USP24: variants seen among roughly 807,000 people sequenced by gnomAD.
The protein encoded by USP24 is ubiquitin specific peptidase 24.
Under a neutral mutation model 361.6 loss-of-function variants are expected in USP24, and 97 were observed. The ratio of observed to expected loss-of-function variants is 0.27; its 90% CI spans 0.23 to 0.32. The LOEUF (loss-of-function observed/expected upper bound fraction) is 0.32, where lower values mean the gene tolerates loss of function less well. USP24 is among the 10% of genes least tolerant of loss of function. USP24 has a pLI of 1.00. For synonymous variants in USP24, 1,098 were observed against 1,124.6 expected, an observed-to-expected ratio of 0.98 and a Z score of 0.47; for missense variants, 2,353 against 3,165.6, an observed-to-expected ratio of 0.74 and a Z score of 6.16.
chr1:55,090,410 C>G (rs1645348740), intron 54 of USP24, among the ~76,000 whole-genome samples: 1 of 152,030 alleles, frequency 6.6e-6, no homozygotes, highest in South Asian at 2.1e-4. Context: ...TAATCCTATG[C>G]CAGACATTAA....
intron 40 of USP24, 46 bp downstream of exon 40, chr1:55,107,193 C>A: frequency 6.4e-7 from 1 of 1,573,938 alleles, no homozygotes. Context: ...TGGCAATAAC[C>A]GAGCACTGAA....
chr1:55,105,499 T>C (rs1645746793), intron 41 of USP24, among the ~76,000 whole-genome samples: 1 of 152,180 alleles, frequency 6.6e-6, no homozygotes, highest in East Asian at 1.9e-4. Context: ...GCAAATAGTT[T>C]CTTCAGGATT....
chr1:55,085,679 T>A (rs1382143264), intron 56 of USP24, among the ~76,000 whole-genome samples: 1 of 152,172 alleles, frequency 6.6e-6, no homozygotes, highest in African/African-American at 2.4e-5. Flanking sequence ...GAGAAAGGAC[T>A]CTGAAAAGGG....
chr1:55,140,781 G>C (rs1381974559), intron 24 of USP24, among the ~76,000 whole-genome samples: 1 of 152,104 alleles, frequency 6.6e-6, no homozygotes, highest in East Asian at 1.9e-4. Flanking sequence ...CAGTTTTCTG[G>C]GAAATAATGA....
At chr1:55,205,905 A>T (rs1471254372) in intron 1 of USP24, among the ~76,000 whole-genome samples, 1 of 152,216 alleles carries the variant, frequency 6.6e-6, no homozygotes, top group Non-Finnish European at 1.5e-5. Context: ...GAGAGGCCCC[A>T]TAGCTCTTAA....
At chr1:55,198,427 A>G (rs1210222104) in intron 1 of USP24, among the ~76,000 whole-genome samples, 1 of 152,224 alleles carries the variant, frequency 6.6e-6, no homozygotes, top group Non-Finnish European at 1.5e-5. Context: ...AAGAACACAG[A>G]ATTGAAAGTC....
At chr1:55,120,256 C>T (rs745633434) in intron 38 of USP24, among the ~76,000 whole-genome samples, 9 of 152,106 alleles carry the variant, frequency 5.9e-5, no homozygotes, top group Non-Finnish European at 7.4e-5. Context: ...GATATCTGCA[C>T]TGAAAAAGTG....
At chr1:55,088,678 G>A (rs776005746) in intron 55 of USP24, among the ~76,000 whole-genome samples, 1 of 152,136 alleles carries the variant, frequency 6.6e-6, no homozygotes, top group Non-Finnish European at 1.5e-5. Flanking sequence ...AGTGAAGGAG[G>A]AGCCCACTGG....
At chr1:55,122,250 G>A (rs1268315271) in intron 36 of USP24, among the ~76,000 whole-genome samples, 1 of 152,154 alleles carries the variant, frequency 6.6e-6, no homozygotes, top group African/African-American at 2.4e-5. Context: ...TAGGTGGTTG[G>A]GGAATGTTTC....
chr1:55,215,163 C>T lies in USP24; in HGVS notation c.-50G>A. The T allele has an allele frequency of 8.3e-7, 1 of 1,203,922 alleles. No homozygotes were observed. Among genetic ancestry groups the T allele is most frequent in the African/African-American group, 1.6e-5 (1 of 63,236 alleles). 74.6% of individuals were successfully genotyped at this position (1,203,922 alleles called of 1,614,324 possible). ...GCCAGCGCACGGCGAAGCTACGGGT[C>T]CCGGGCCTGGCGGGCCGCGCGGCGC... On this transcript the variant is annotated 5_prime_UTR_variant, in exon 1 of 68. Coordinates refer to ENST00000294383, the MANE Select transcript of USP24 (RefSeq NM_015306.3).
chr1:55,097,566 T>C (rs1398183032), intron 48 of USP24, 32 bp downstream of exon 48: 4 of 1,525,546 alleles, frequency 2.6e-6, no homozygotes, highest in East Asian at 4.9e-5. Context: ...AAATGAATGG[T>C]TGTGAAAAAT....
At chr1:55,071,067 A>T (rs1644910424) in intron 67 of USP24, 1 of 926,424 alleles carries the variant, frequency 1.1e-6, no homozygotes, top group African/African-American at 1.8e-5. Context: ...CTTTCTGTAA[A>T]ATCAGGGTGA....
chr1:55,210,382 C>A (rs1644820409), intron 1 of USP24, among the ~76,000 whole-genome samples: 1 of 151,948 alleles, frequency 6.6e-6, no homozygotes, highest in African/African-American at 2.4e-5. Flanking sequence ...TTTAAAGGGC[C>A]TTTTTTTATT....
chr1:55,138,567 A>C lies in USP24; in HGVS notation c.2928+41T>G, dbSNP rs79356982. Reference sequence around the variant, plus strand: ...TCAAGACTGCTTTATGAAAATAATAAGACAACATGAAAATGGCTGTAGTTC... The same window carrying C: ...TCAAGACTGCTTTATGAAAATAATACGACAACATGAAAATGGCTGTAGTTC... On this transcript the variant is annotated intron_variant, in intron 26 of 67. Transcript: ENST00000294383. 4.6e-4 allele frequency: 644 copies of C among 1,415,022 alleles called. 10 individuals carry two copies. The East Asian group carries it at 0.015, about 32-fold the overall frequency. 87.7% of individuals were successfully genotyped at this position (1,415,022 alleles called of 1,614,324 possible). A position where few individuals can be genotyped will look rare whatever the true frequency, so the allele number is the denominator to read the frequency against.
chr1:55,193,555 G>A (rs1445160029), intron 1 of USP24, among the ~76,000 whole-genome samples: 1 of 152,118 alleles, frequency 6.6e-6, no homozygotes, highest in Non-Finnish European at 1.5e-5. Flanking sequence ...GGCATCTCCA[G>A]TGACTGCAGT....
chr1:55,166,317 C>G (rs1648852958), intron 6 of USP24, among the ~76,000 whole-genome samples: 1 of 151,950 alleles, frequency 6.6e-6, no homozygotes, highest in Admixed American at 6.6e-5. Context: ...TAACATTGGT[C>G]TTGAGAGAAT....
intron 1 of USP24, among the ~76,000 whole-genome samples, chr1:55,211,851 T>C (rs919330085): frequency 6.6e-6 from 1 of 152,262 alleles, no homozygotes; most frequent in Non-Finnish European, 1.5e-5. Context: ...AAGAAGACAA[T>C]GACACTGAAA....
chr1:55,088,447 G>A (rs1297478367), intron 55 of USP24, among the ~76,000 whole-genome samples: 1 of 152,186 alleles, frequency 6.6e-6, no homozygotes, highest in Non-Finnish European at 1.5e-5. Context: ...TTAAGAGTGA[G>A]ATAATTAAAG....
chr1:55,164,078 T>TA (rs1411728613), intron 7 of USP24, among the ~76,000 whole-genome samples: 1 of 152,050 alleles, frequency 6.6e-6, no homozygotes, highest in African/African-American at 2.4e-5. Flanking sequence ...TGCCCATTAG[T>TA]AAGTGTCTGC....
Sources: gnomAD v4.1 joint callset for allele counts (sites outside exome capture counted in the v4.1 genomes callset) on GRCh38, gnomAD v4.1.1 for gene constraint, MANE v1.5 for transcripts, NCBI Gene and HGNC (gene_info 2026-07-23, HGNC 2026-07-21) for gene names.